Variants in ERG observed in about 807,000 individuals in gnomAD.
ERG encodes the protein transcriptional regulator ERG.
In ERG, 9 loss-of-function variants were observed where a neutral mutation model predicts 55.3. That is an observed-to-expected ratio of 0.16 (90% CI 0.10 to 0.28). The LOEUF is 0.28. ERG is among the 10% of genes least tolerant of loss of function. The pLI, the probability that ERG is intolerant of heterozygous loss-of-function variation, is 1.00. For synonymous variants in ERG, 223 were observed against 237.3 expected (o/e 0.94, Z 0.55); for missense variants, 434 against 631.6 (o/e 0.69, Z 3.35).
At chr21:38,465,400 G>C (rs1315068024) in intron 1 of ERG, among the ~76,000 whole-genome samples, 1 of 152,166 alleles carries the variant, frequency 6.6e-6, no homozygotes, top group Non-Finnish European at 1.5e-5. Context: ...AAGATTAGAG[G>C]GAGGGAGGGG....
At chr21:38,499,352 T>A (rs2836443), upstream of ERG, among the ~76,000 whole-genome samples, 4 of 152,126 alleles carry the variant, frequency 2.6e-5, no homozygotes, top group Non-Finnish European at 5.9e-5. Context: ...GTCACAGGTC[T>A]GTTTTCTCCT....
At chr21:38,436,129 C>T (rs916647628) in intron 2 of ERG, among the ~76,000 whole-genome samples, 6 of 147,414 alleles carry the variant, frequency 4.1e-5, no homozygotes, top group Admixed American at 1.4e-4. Flanking sequence ...TCAAGCGATT[C>T]TCCCGCCTCA....
intron 1 of ERG, among the ~76,000 whole-genome samples, chr21:38,462,785 A>C (rs546096978): frequency 6.6e-6 from 1 of 152,300 alleles, no homozygotes; most frequent in South Asian, 2.1e-4. Context: ...TCTACTAAAG[A>C]AGCAGGCTGC....
intron 2 of ERG, among the ~76,000 whole-genome samples, chr21:38,515,636 T>A (rs1221137197): frequency 1.3e-5 from 2 of 151,974 alleles, no homozygotes; most frequent in Non-Finnish European, 2.9e-5. Context: ...AACTACAGGC[T>A]GATATTCCTG....
At chr21:38,581,254 G>A (rs1298053882) in intron 1 of ERG, among the ~76,000 whole-genome samples, 1 of 152,188 alleles carries the variant, frequency 6.6e-6, no homozygotes, top group African/African-American at 2.4e-5. Context: ...TGAGCACAGT[G>A]CAGAGCCAGA....
intron 1 of ERG, among the ~76,000 whole-genome samples, chr21:38,449,924 G>T (rs114020430): frequency 6.6e-6 from 1 of 152,058 alleles, no homozygotes; most frequent in South Asian, 2.1e-4. Flanking sequence ...TGGTCCTTTC[G>T]TGGTTTTCAA....
At chr21:38,528,751 A>G (rs1303541269) in intron 2 of ERG, among the ~76,000 whole-genome samples, 1 of 151,952 alleles carries the variant, frequency 6.6e-6, no homozygotes, top group East Asian at 1.9e-4. Context: ...CCCGGCCCAT[A>G]GCAAACTTTT....
chr21:38,475,632 C>A (rs928149034), intron 1 of ERG, among the ~76,000 whole-genome samples: 1 of 152,224 alleles, frequency 6.6e-6, no homozygotes, highest in East Asian at 1.9e-4. Flanking sequence ...GTCTGACAGG[C>A]CTTGCCTGAT....
At chr21:38,527,115 C>T (rs2059635427) in intron 2 of ERG, among the ~76,000 whole-genome samples, 1 of 152,204 alleles carries the variant, frequency 6.6e-6, no homozygotes, top group Middle Eastern at 3.2e-3. Flanking sequence ...GATGACCTCT[C>T]TGACCTCTCT....
intron 2 of ERG, among the ~76,000 whole-genome samples, chr21:38,440,520 C>T (rs1245013967): frequency 4.6e-5 from 7 of 152,092 alleles, no homozygotes; most frequent in African/African-American, 7.2e-5. Flanking sequence ...ACCTGACATT[C>T]GTAAAGAGCC....
intron 1 of ERG, among the ~76,000 whole-genome samples, chr21:38,590,266 T>C (rs2060091856): frequency 6.6e-6 from 1 of 151,970 alleles, no homozygotes; most frequent in African/African-American, 2.4e-5. Context: ...ACAAGAGAGG[T>C]ACCAAAGATG....
chr21:38,389,572 A>G (rs1488181109), intron 9 of ERG, among the ~76,000 whole-genome samples: 1 of 151,468 alleles, frequency 6.6e-6, no homozygotes, highest in Non-Finnish European at 1.5e-5. Context: ...GTTATATGGC[A>G]GAGTTGCAAA....
Position 38,455,868 on chromosome 21 carries a change from T to TCC in ERG, c.19-10249_19-10248dup, listed in dbSNP as rs200521885. On this transcript the variant is annotated intron_variant, in intron 1 of 9. Transcript: ENST00000288319. ...TTAATTTTTTAAATAATTGGTACGG[T>TCC]CCCCCCCCTCCCCACAGACAGGTGT... 4.2e-3 allele frequency among the ~76,000 whole-genome samples: 545 copies of TCC among 129,434 alleles called. 10 individuals carry two copies. Among genetic ancestry groups the TCC allele is most frequent in the Non-Finnish European group, 5.9e-3 (340 of 58,110 alleles). 84.9% of individuals were successfully genotyped at this position (129,434 alleles called of 152,430 possible). A position where few individuals can be genotyped will look rare whatever the true frequency, so the allele number is the denominator to read the frequency against.
chr21:38,476,817 C>T (rs2059192575), intron 1 of ERG, among the ~76,000 whole-genome samples: 1 of 152,088 alleles, frequency 6.6e-6, no homozygotes, highest in African/African-American at 2.4e-5. Context: ...TGGCTCTGTT[C>T]ATAACTCTGG....
At chr21:38,633,188 G>A (rs1484994955) in intron 1 of ERG, among the ~76,000 whole-genome samples, 2 of 152,190 alleles carry the variant, frequency 1.3e-5, no homozygotes, top group Non-Finnish European at 2.9e-5. Context: ...GAAATTCATG[G>A]AAACAGAAAA....
At chr21:38,575,878 A>G in intron 1 of ERG, 1 of 695,608 alleles carries the variant, frequency 1.4e-6, no homozygotes, top group Non-Finnish European at 2.4e-6. Flanking sequence ...GTTTGCCTAA[A>G]GGCATCCTCT....
intron 2 of ERG, among the ~76,000 whole-genome samples, chr21:38,523,615 C>T (rs1467360436): frequency 6.6e-6 from 1 of 152,100 alleles, no homozygotes; most frequent in Non-Finnish European, 1.5e-5. Context: ...GAGTTTCACC[C>T]CACTCATTAT....
At position 38,558,916 on chromosome 21, in the gene ERG, A is replaced by C. The variant is rs74551719; in HGVS notation, c.-41+16746T>G. On this transcript the variant is annotated intron_variant, in intron 2 of 8. Transcript: ENST00000398897. Reference sequence around the variant, plus strand: ...AATGTCTTTCATCAAGGTGCAAGGAAATGTAAAATAACATTAAAAGTACCA... The same window carrying C: ...AATGTCTTTCATCAAGGTGCAAGGACATGTAAAATAACATTAAAAGTACCA... 3.7e-3 allele frequency among the ~76,000 whole-genome samples: 563 copies of C among 152,362 alleles called. 3 individuals are homozygous for C. Among genetic ancestry groups the C allele is most frequent in the African/African-American group, 0.013 (533 of 41,586 alleles).
chr21:38,415,560 T>A (rs1272951069), intron 3 of ERG, among the ~76,000 whole-genome samples: 2 of 152,150 alleles, frequency 1.3e-5, no homozygotes, highest in African/African-American at 4.8e-5. Context: ...AAGAAGCATG[T>A]CCCATCATAT....
Sources: allele counts gnomAD v4.1 joint callset (sites outside exome capture counted in the v4.1 genomes callset), GRCh38; gene constraint gnomAD v4.1.1; transcripts MANE v1.5; gene names NCBI Gene and HGNC (gene_info 2026-07-23, HGNC 2026-07-21).